PRPF6: variants seen among roughly 807,000 people sequenced by gnomAD.
PRPF6 encodes the protein pre-mRNA-processing factor 6.
PRPF6 carries 42 observed loss-of-function variants against 118.3 expected under a neutral mutation model. That is an observed-to-expected ratio of 0.35 (90% CI 0.28 to 0.46). The LOEUF (loss-of-function observed/expected upper bound fraction) is 0.46, where lower values mean the gene tolerates loss of function less well. Among genes scored for constraint, PRPF6 ranks in the 20% least tolerant of loss-of-function variants. The probability of loss-of-function intolerance (pLI) is 1.00; values close to 1 mark genes in which losing one functional copy is unlikely to be tolerated. For missense variants in PRPF6, 662 were observed against 1,255.7 expected, an observed-to-expected ratio of 0.53 and a Z score of 7.15; for synonymous variants, 481 against 485.1, an observed-to-expected ratio of 0.99 and a Z score of 0.11.
intron 3 of PRPF6, 127 bp downstream of exon 3, chr20:63,985,152 C>G (rs1460291067): frequency 2.7e-6 from 2 of 732,778 alleles, no homozygotes; most frequent in Non-Finnish European, 4.7e-6. Flanking sequence ...TAGCTAGAGC[C>G]CAGGGGTTTG....
intron 12 of PRPF6, among the ~76,000 whole-genome samples, chr20:64,022,460 A>G (rs1344356082): frequency 6.6e-6 from 1 of 152,148 alleles, no homozygotes; most frequent in Non-Finnish European, 1.5e-5. Context: ...GGCGCATGCC[A>G]CCACGTCTGG....
intron 7 of PRPF6, 93 bp from the exon 8 acceptor site, chr20:63,999,510 A>C: frequency 6.6e-7 from 1 of 1,505,132 alleles, no homozygotes; most frequent in Non-Finnish European, 9.2e-7. Flanking sequence ...GATAGTTCTT[A>C]CATTGTGACT....
chr20:63,982,716 T>C (rs1325407250), intron 1 of PRPF6, among the ~76,000 whole-genome samples: 3 of 152,138 alleles, frequency 2.0e-5, no homozygotes, highest in Non-Finnish European at 4.4e-5. Flanking sequence ...TGTTATCAGC[T>C]GAAACCCCCC....
At chr20:63,992,465 T>C in intron 3 of PRPF6, among the ~76,000 whole-genome samples, 1 of 151,992 alleles carries the variant, frequency 6.6e-6, no homozygotes, top group East Asian at 1.9e-4. Flanking sequence ...TTTTACCACA[T>C]TGGCCAGGCT....
rs2059217690 is a variant in PRPF6 at position 64,011,649 on chromosome 20, G to A, written c.1524+146G>A. On this transcript the variant is annotated intron_variant, in intron 11 of 20. Coordinates refer to ENST00000266079, the MANE Select transcript of PRPF6 (RefSeq NM_012469.4). The surrounding 1 kb of genome is among the most constrained non-coding windows in gnomAD (Gnocchi z 6.7). ...AGGCACAGGTGTGAATGGGCCCTGA[G>A]GGACCTGGGCATGCCCACTGTCGCT... 8 of 927,628 alleles carry A rather than the reference G, an allele frequency of 8.6e-6. No homozygotes were observed. In the Admixed American group the frequency reaches 1.6e-4, roughly 19 times the overall value. 57.5% of individuals were successfully genotyped at this position (927,628 alleles called of 1,614,324 possible).
At position 64,011,355 on chromosome 20, in the gene PRPF6, AC is replaced by A; in HGVS notation, c.1377del (p.Asn459LysfsTer71). On this transcript the variant is annotated frameshift_variant, in exon 11 of 21. Transcript: ENST00000266079. LOFTEE classifies it high-confidence loss of function. This position sits in a 1 kb window ranked among gnomAD's most constrained non-coding sequence, Gnocchi z 6.7. ...AAGGTCTTGAACAAGGCGCGGGAGA[AC>A]ATTCCTACAGACCGACATATCTGGA... ...ARKVLNKARE[N>X]IPTDRHIWIT... 2 of 1,614,196 alleles carry A rather than the reference AC, an allele frequency of 1.2e-6. No individual in the cohort carries two copies. The highest frequency in any genetic ancestry group is 1.7e-6 in the Non-Finnish European group (2 of 1,180,038).
chr20:64,021,226 G>GC, intron 12 of PRPF6, among the ~76,000 whole-genome samples: 7 of 152,098 alleles, frequency 4.6e-5, no homozygotes, highest in African/African-American at 1.7e-4. Context: ...CTCGGCCACA[G>GC]CCCCATGTCT....
intron 14 of PRPF6, 80 bp downstream of exon 14, chr20:64,024,773 C>G (rs2059280770): frequency 6.5e-7 from 1 of 1,548,122 alleles, no homozygotes; most frequent in Non-Finnish European, 8.7e-7. Context: ...CTGAAAATCT[C>G]CCACATACAA....
intron 2 of PRPF6, among the ~76,000 whole-genome samples, chr20:63,984,702 C>T (rs1484607258): frequency 6.6e-6 from 1 of 152,166 alleles, no homozygotes; most frequent in Non-Finnish European, 1.5e-5. Context: ...TCCTTGGTCC[C>T]TTCCAATTGG....
chr20:63,989,906 C>G lies in PRPF6; in HGVS notation c.360-3501C>G, dbSNP rs556822689. ...AATTTTAGAATAGTAAAATATAGTT[C>G]TTCTGGAATTTTATTTATTTTTTAT... is the stretch of plus-strand genomic sequence containing the variant. On this transcript the variant is annotated intron_variant, in intron 3 of 20. Coordinates refer to ENST00000266079, the MANE Select transcript of PRPF6 (RefSeq NM_012469.4). Among the ~76,000 whole-genome samples, 61 of 151,858 alleles carry G rather than the reference C, an allele frequency of 4.0e-4. 2 individuals carry two copies. The South Asian group carries it at 0.012, about 30-fold the overall frequency.
chr20:64,017,546 C>T (rs1035644026), intron 12 of PRPF6, among the ~76,000 whole-genome samples: 7 of 146,824 alleles, frequency 4.8e-5, no homozygotes, highest in East Asian at 4.1e-4. Flanking sequence ...CCGCCGCGCC[C>T]GGCCTCCCAC....
chr20:63,985,729 A>G (rs1229314154), intron 3 of PRPF6, among the ~76,000 whole-genome samples: 1 of 152,218 alleles, frequency 6.6e-6, no homozygotes, highest in Non-Finnish European at 1.5e-5. Flanking sequence ...ACCTGAACAG[A>G]CCAATAAAAG....
In PRPF6 at chr20:63,994,978, A is replaced by G. The variant is rs1569213804; in HGVS notation, c.501A>G (p.Arg167=). 6.2e-7 allele frequency: 1 copy of G among 1,614,222 alleles called. No individual in the cohort carries two copies. Among genetic ancestry groups the G allele is most frequent in the Admixed American group, 1.7e-5 (1 of 60,024 alleles). ...GCATCCCCGAGGTTGGCGATGCCAGAAATAAACGTCAGCGGAACCCACGCT... is the reference window on the plus strand; with the variant it reads ...GCATCCCCGAGGTTGGCGATGCCAGGAATAAACGTCAGCGGAACCCACGCT... ...WLSIPEVGDA[R]NKRQRNPRYE... is the part of the protein sequence containing the mutation. Residue 167 remains arginine, a synonymous_variant, in exon 5 of 21, where the codon AGA becomes AGG. Transcript: ENST00000266079.
chr20:63,983,623 C>T (rs1404651269), intron 2 of PRPF6, among the ~76,000 whole-genome samples: 1 of 150,716 alleles, frequency 6.6e-6, no homozygotes, highest in African/African-American at 2.4e-5. Context: ...GTGTTAGGAC[C>T]ACTGCCTTGG....
rs988707262 is a variant in PRPF6, at chr20:64,017,575, G to A, written c.1647+730G>A. ...CTCCCACGGTGCTGGGATCACAGGCGTGAGCTGCCGCGCCCGGCCTCCCAC... is the reference window on the plus strand; with the variant it reads ...CTCCCACGGTGCTGGGATCACAGGCATGAGCTGCCGCGCCCGGCCTCCCAC... On this transcript the variant is annotated intron_variant, in intron 12 of 20. Coordinates refer to ENST00000266079, the MANE Select transcript of PRPF6 (RefSeq NM_012469.4). Among the ~76,000 whole-genome samples the A allele has an allele frequency of 1.5e-4, 22 of 147,846 alleles. No homozygotes were observed. In the South Asian group the frequency reaches 3.4e-3, roughly 23 times the overall value.
chr20:63,993,326 G>T, intron 3 of PRPF6, 81 bp from the exon 4 acceptor site: 1 of 920,216 alleles, frequency 1.1e-6, no homozygotes, highest in South Asian at 1.3e-5. Flanking sequence ...GTTCTTTTTG[G>T]TGATTTAATT....
intron 9 of PRPF6, among the ~76,000 whole-genome samples, chr20:64,007,855 G>T (rs557058029): frequency 2.0e-5 from 3 of 151,858 alleles, no homozygotes; most frequent in Non-Finnish European, 2.9e-5. Flanking sequence ...TCAGCTTATT[G>T]CACCTGCGCC....
rs2059299904 is a variant in PRPF6 at position 64,028,129 on chromosome 20, G to A, written c.2340-349G>A. ...CATGGAGGTGCTGCGTCCAGCTCAG[G>A]GTGACGGGGCTGGAGCACTGTGCAG... On this transcript the variant is annotated intron_variant, in intron 17 of 20. Coordinates refer to ENST00000266079, the MANE Select transcript of PRPF6 (RefSeq NM_012469.4). The surrounding 1 kb of genome is among the most constrained non-coding windows in gnomAD (Gnocchi z 6.5). Among the ~76,000 whole-genome samples, 1 of 152,290 alleles carries A rather than the reference G, an allele frequency of 6.6e-6. No homozygotes were observed. Among genetic ancestry groups the A allele is most frequent in the East Asian group, 1.9e-4 (1 of 5,166 alleles).
chr20:64,004,790 T>G (rs1007355572), intron 9 of PRPF6, among the ~76,000 whole-genome samples: 1 of 152,240 alleles, frequency 6.6e-6, no homozygotes, highest in South Asian at 2.1e-4. Flanking sequence ...GAGGCCCGAC[T>G]GGCAGCTCCC....
Sources: allele counts gnomAD v4.1 joint callset (sites outside exome capture counted in the v4.1 genomes callset), GRCh38; gene constraint gnomAD v4.1.1; non-coding constraint Gnocchi (gnomAD v3.1); transcripts MANE v1.5; gene names NCBI Gene and HGNC (gene_info 2026-07-23, HGNC 2026-07-21).